The following SETBP1 variants were observed in gnomAD, a reference collection of about 807,000 sequenced individuals.
The protein encoded by SETBP1 is SET-binding protein.
A neutral mutation model predicts 101.0 loss-of-function variants in SETBP1; 9 were observed. The observed-to-expected ratio is 0.09, with a 90% CI of 0.05 to 0.16. The LOEUF is 0.16. SETBP1 is among the 10% of genes least tolerant of loss of function. SETBP1 has a pLI of 1.00. For synonymous variants in SETBP1, 818 were observed against 788.5 expected (o/e 1.04, Z -0.63); for missense variants, 1,858 against 2,033.8 (o/e 0.91, Z 1.66).
intron 2 of SETBP1, among the ~76,000 whole-genome samples, chr18:44,734,727 C>T (rs183225356): frequency 9.5e-4 from 144 of 152,240 alleles, no homozygotes; most frequent in Non-Finnish European, 1.8e-3. Flanking sequence ...AGCACCTCTC[C>T]GCAGTAACAG....
intron 3 of SETBP1, among the ~76,000 whole-genome samples, chr18:44,906,634 C>T (rs1371502737): frequency 6.6e-6 from 1 of 152,090 alleles, no homozygotes; most frequent in Non-Finnish European, 1.5e-5. Context: ...GTTTGTAGCC[C>T]TCCCTTGTTC....
chr18:44,789,034 C>A (rs557512670), intron 2 of SETBP1, among the ~76,000 whole-genome samples: 1 of 151,950 alleles, frequency 6.6e-6, no homozygotes, highest in East Asian at 1.9e-4. Flanking sequence ...AATCCCTGGG[C>A]TCAAGTAATT....
intron 3 of SETBP1, among the ~76,000 whole-genome samples, chr18:44,874,108 G>T (rs985435637): frequency 3.9e-5 from 6 of 151,948 alleles, no homozygotes; most frequent in African/African-American, 7.3e-5. Flanking sequence ...TTATTTGGGG[G>T]TATACTTTAA....
intron 4 of SETBP1, among the ~76,000 whole-genome samples, chr18:45,013,655 G>T (rs1344147234): frequency 6.6e-6 from 1 of 152,132 alleles, no homozygotes; most frequent in Non-Finnish European, 1.5e-5. Context: ...GGCCAGACTG[G>T]TCTCGAACTC....
At chr18:44,708,887 G>A (rs933273168) in intron 2 of SETBP1, among the ~76,000 whole-genome samples, 45 of 152,146 alleles carry the variant, frequency 3.0e-4, no homozygotes, top group Non-Finnish European at 1.9e-4. Flanking sequence ...CTTTAAGAAC[G>A]CTCATTACTA....
At chr18:45,043,662 T>C (rs1335098479) in intron 5 of SETBP1, among the ~76,000 whole-genome samples, 1 of 152,248 alleles carries the variant, frequency 6.6e-6, no homozygotes, top group Non-Finnish European at 1.5e-5. Context: ...CATAAGTCTG[T>C]TAAATTTTTA....
In SETBP1 at chr18:44,806,623, C is replaced by CT. The variant is rs71177656; in HGVS notation, c.487-62566dup. On this transcript the variant is annotated intron_variant, in intron 2 of 5. Transcript: ENST00000649279. ...GTAGACTTTGGCTCATAATGAGCTC[C>CT]TTTTTTTTTTTTTTTTTTTTTTTTT... 1.9e-3 allele frequency among the ~76,000 whole-genome samples: 54 copies of CT among 27,816 alleles called. 6 individuals carry two copies. The highest frequency in any genetic ancestry group is 3.5e-3 in the Admixed American group (6 of 1,732). The allele number at this position is 27,816 out of a possible 152,430, so 18.2% of individuals were successfully genotyped here.
chr18:45,007,012 A>AT (rs990666786), intron 4 of SETBP1, among the ~76,000 whole-genome samples: 5 of 152,116 alleles, frequency 3.3e-5, no homozygotes, highest in African/African-American at 1.2e-4. Flanking sequence ...TTTGCGAGAG[A>AT]TTATCATTTA....
chr18:45,058,309 G>A (rs2073841362), intron 5 of SETBP1, among the ~76,000 whole-genome samples: 1 of 152,182 alleles, frequency 6.6e-6, no homozygotes, highest in African/African-American at 2.4e-5. Context: ...GAGGGACAGT[G>A]AAATCATAAG....
chr18:45,032,877 T>C (rs537571745), intron 4 of SETBP1, among the ~76,000 whole-genome samples: 2 of 152,304 alleles, frequency 1.3e-5, no homozygotes, highest in East Asian at 1.9e-4. Flanking sequence ...TGCTTTAGGC[T>C]CTTTCATTGC....
chr18:44,818,787 CCAT>C lies in SETBP1; in HGVS notation c.487-50439_487-50437del, dbSNP rs146981044. Among the ~76,000 whole-genome samples the C allele has an allele frequency of 9.4e-3, 1,430 of 151,444 alleles. 16 individuals are homozygous for C. Among genetic ancestry groups the C allele is most frequent in the African/African-American group, 0.033 (1,349 of 41,262 alleles). Reference sequence around the variant, plus strand: ...CACACACACACACACACACTCCTCACCATCATAACACGATTATATTTAGCGGTT... The same window carrying C: ...CACACACACACACACACACTCCTCACCATAACACGATTATATTTAGCGGTT... On this transcript the variant is annotated intron_variant, in intron 2 of 5. Transcript: ENST00000649279.
intron 2 of SETBP1, among the ~76,000 whole-genome samples, chr18:44,831,107 A>C (rs564492241): frequency 2.6e-5 from 4 of 152,356 alleles, no homozygotes; most frequent in African/African-American, 9.6e-5. Context: ...ACAAATAAGC[A>C]CAGTTGTAAA....
At chr18:45,000,578 T>A (rs2145330062) in intron 4 of SETBP1, among the ~76,000 whole-genome samples, 1 of 152,222 alleles carries the variant, frequency 6.6e-6, no homozygotes, top group Admixed American at 6.5e-5. Flanking sequence ...TTGTGCTAAA[T>A]ATACTCTTAA....
At chr18:44,696,858 C>T (rs1360567451) in intron 1 of SETBP1, among the ~76,000 whole-genome samples, 1 of 152,210 alleles carries the variant, frequency 6.6e-6, no homozygotes, top group Non-Finnish European at 1.5e-5. Flanking sequence ...TTTTGGACTC[C>T]TATCTCAGTA....
chr18:45,023,012 C>T (rs1360962445), intron 4 of SETBP1, among the ~76,000 whole-genome samples: 1 of 152,184 alleles, frequency 6.6e-6, no homozygotes, highest in East Asian at 1.9e-4. Flanking sequence ...CTTACCCAGG[C>T]CTGGATAACC....
At chr18:44,724,028 A>G (rs1034810861) in intron 2 of SETBP1, among the ~76,000 whole-genome samples, 1 of 152,206 alleles carries the variant, frequency 6.6e-6, no homozygotes, top group African/African-American at 2.4e-5. Context: ...CAAAGTAGTC[A>G]TTGCCAACGA....
intron 4 of SETBP1, among the ~76,000 whole-genome samples, chr18:44,978,854 G>GA (rs373846629): frequency 2.0e-5 from 3 of 151,934 alleles, no homozygotes; most frequent in Non-Finnish European, 4.4e-5. Flanking sequence ...ATTTTACATT[G>GA]AAAAAAAATA....
intron 2 of SETBP1, among the ~76,000 whole-genome samples, chr18:44,714,490 C>T (rs2072169242): frequency 1.3e-5 from 2 of 152,138 alleles, no homozygotes; most frequent in Non-Finnish European, 2.9e-5. Context: ...GCGTGAGCCA[C>T]CGCACCTGGC....
At chr18:44,713,352 C>A (rs1277374032) in intron 2 of SETBP1, among the ~76,000 whole-genome samples, 1 of 152,110 alleles carries the variant, frequency 6.6e-6, no homozygotes, top group South Asian at 2.1e-4. Flanking sequence ...GGGGGACGTG[C>A]CACCTTTCGC....
Sources: allele counts gnomAD v4.1 joint callset (sites outside exome capture counted in the v4.1 genomes callset), GRCh38; gene constraint gnomAD v4.1.1; transcripts MANE v1.5; gene names NCBI Gene and HGNC (gene_info 2026-07-23, HGNC 2026-07-21).